Variants in PLEKHH1 observed in about 807,000 individuals in gnomAD.
PLEKHH1 encodes pleckstrin homology domain-containing family H member 1.
PLEKHH1 carries 104 observed loss-of-function variants against 160.0 expected under a neutral mutation model. That is an observed-to-expected ratio of 0.65 (90% CI 0.55 to 0.76). The LOEUF (loss-of-function observed/expected upper bound fraction) is 0.76. Among genes scored for constraint, PLEKHH1 ranks in the 30% least tolerant of loss-of-function variants. PLEKHH1 has a pLI of 0.00. For synonymous variants in PLEKHH1, 619 were observed against 678.4 expected (o/e 0.91, Z 1.36); for missense variants, 1,427 against 1,724.1 (o/e 0.83, Z 3.05).
In PLEKHH1 at chr14:67,578,633, T is replaced by C; in HGVS notation, c.2849+2T>C. 3 of 1,585,582 alleles carry C rather than the reference T, an allele frequency of 1.9e-6. No homozygotes were observed. The highest frequency in any genetic ancestry group is 1.7e-6 in the Non-Finnish European group (2 of 1,160,784). On this transcript the variant is annotated splice_donor_variant, in intron 20 of 28. Coordinates refer to ENST00000329153, the MANE Select transcript of PLEKHH1 (RefSeq NM_020715.3). LOFTEE classifies it high-confidence loss of function. The surrounding 1 kb of genome is among the most constrained non-coding windows in gnomAD (Gnocchi z 5.0). Reference sequence around the variant, plus strand: ...GCTCCAACGCCATGCAGATCCCAGGTGAGTGAACCTGGCCGTTTCCTCTGC... The same window carrying C: ...GCTCCAACGCCATGCAGATCCCAGGCGAGTGAACCTGGCCGTTTCCTCTGC...
chr14:67,536,600 T>C lies in PLEKHH1; in HGVS notation c.-35+3202T>C, dbSNP rs369534838. ...CTGTGGTGACCTCTGACCTCTTTCT[T>C]TTAGGGTCCTGTATTGATTAGCTAC... On this transcript the variant is annotated intron_variant, in intron 1 of 28. Coordinates refer to ENST00000329153, the MANE Select transcript of PLEKHH1 (RefSeq NM_020715.3). Among the ~76,000 whole-genome samples, 5 of 151,944 alleles carry C rather than the reference T, an allele frequency of 3.3e-5. No homozygotes were observed. The East Asian group carries it at 5.8e-4, about 18-fold the overall frequency.
At chr14:67,555,974 T>G in intron 3 of PLEKHH1, 87 bp downstream of exon 3, 1 of 1,518,156 alleles carries the variant, frequency 6.6e-7, no homozygotes, top group African/African-American at 1.4e-5. Flanking sequence ...GGTGGACACA[T>G]ACATCACCAG....
chr14:67,569,859 TC>T (rs2035286257), intron 8 of PLEKHH1, 61 bp from the exon 9 acceptor site: 1 of 1,068,090 alleles, frequency 9.4e-7, no homozygotes, highest in African/African-American at 1.6e-5. Flanking sequence ...GTTCTCTGCT[TC>T]CCCCACACCC....
chr14:67,560,727 C>CTTTT (rs11433194), intron 5 of PLEKHH1, among the ~76,000 whole-genome samples: 3 of 126,426 alleles, frequency 2.4e-5, no homozygotes, highest in Admixed American at 8.2e-5. Flanking sequence ...GAACATATAT[C>CTTTT]TTTTTTTTTT....
At chr14:67,541,445 A>C (rs559757131) in intron 1 of PLEKHH1, among the ~76,000 whole-genome samples, 1 of 152,248 alleles carries the variant, frequency 6.6e-6, no homozygotes, top group East Asian at 1.9e-4. Flanking sequence ...AATTTCTCTT[A>C]GTTCTGTTTG....
intron 2 of PLEKHH1, among the ~76,000 whole-genome samples, chr14:67,548,926 G>C (rs770422288): frequency 5.9e-5 from 9 of 152,048 alleles, no homozygotes; most frequent in Non-Finnish European, 1.0e-4. Flanking sequence ...TGGATAAATG[G>C]TTCTGTTTAC....
intron 7 of PLEKHH1, among the ~76,000 whole-genome samples, chr14:67,567,249 G>C (rs2035146096): frequency 2.6e-5 from 4 of 152,140 alleles, no homozygotes; most frequent in Admixed American, 6.5e-5. Flanking sequence ...AGGGCGGTGG[G>C]GGAATGAAAT....
At chr14:67,535,490 C>T (rs1162308507) in intron 1 of PLEKHH1, among the ~76,000 whole-genome samples, 3 of 149,884 alleles carry the variant, frequency 2.0e-5, no homozygotes, top group Non-Finnish European at 4.4e-5. Flanking sequence ...AAGCAGTTCA[C>T]CTGCCTTAGC....
At chr14:67,555,804 C>T in intron 2 of PLEKHH1, 21 bp from the exon 3 acceptor site, 1 of 1,612,540 alleles carries the variant, frequency 6.2e-7, no homozygotes, top group Non-Finnish European at 8.5e-7. Flanking sequence ...CTACATCTCC[C>T]CTTTCTCTCT....
At position 67,571,561 on chromosome 14, in the gene PLEKHH1, G is replaced by T. The variant is rs1039484786; in HGVS notation, c.1435-191G>T. On this transcript the variant is annotated intron_variant, in intron 9 of 28. Transcript: ENST00000329153. Reference sequence around the variant, plus strand: ...CAGAAGATGGTGTGTGGGAAGGGAGGCCTGAGAAGCATGGAGGTCATGACA... The same window carrying T: ...CAGAAGATGGTGTGTGGGAAGGGAGTCCTGAGAAGCATGGAGGTCATGACA... 1.7e-5 allele frequency: 9 copies of T among 542,794 alleles called. No individual in the cohort carries two copies. The Admixed American group carries it at 2.3e-4, about 14-fold the overall frequency. The allele number at this position is 542,794 out of a possible 1,614,324, so 33.6% of individuals were successfully genotyped here. A position where few individuals can be genotyped will look rare whatever the true frequency, so the allele number is the denominator to read the frequency against.
chr14:67,540,882 T>A (rs553876953), intron 1 of PLEKHH1, among the ~76,000 whole-genome samples: 1 of 152,296 alleles, frequency 6.6e-6, no homozygotes, highest in Admixed American at 6.5e-5. Context: ...CCTTTTCTCA[T>A]CCTGCATCCA....
rs867422493 is a variant in PLEKHH1 at position 67,562,570 on chromosome 14, A to T, written c.939A>T (p.Pro313=). 6 of 1,612,264 alleles carry T rather than the reference A, an allele frequency of 3.7e-6. No individual in the cohort carries two copies. The Middle Eastern group carries it at 9.9e-4, about 266-fold the overall frequency. The change falls in exon 7 of 29, where the codon CCA becomes CCT. Residue 313 remains proline, a synonymous_variant. Coordinates refer to ENST00000329153, the MANE Select transcript of PLEKHH1 (RefSeq NM_020715.3). ...GTCCTGGCAGCAGTCTGACCCTACCAAAGGTGCGGGCTCCTGGCACCCCGC... is the reference window on the plus strand; with the variant it reads ...GTCCTGGCAGCAGTCTGACCCTACCTAAGGTGCGGGCTCCTGGCACCCCGC... The part of the protein sequence containing the change: ...EGGPGSSLTL[P]KVRAPGTPRD...
In PLEKHH1 at chr14:67,578,316, C is replaced by T; in HGVS notation, c.2751+117C>T. 5 of 902,854 alleles carry T rather than the reference C, an allele frequency of 5.5e-6. No individual in the cohort carries two copies. The highest frequency in any genetic ancestry group is 8.7e-6 in the Non-Finnish European group (5 of 572,362). 55.9% of individuals were successfully genotyped at this position (902,854 alleles called of 1,614,324 possible). A position where few individuals can be genotyped will look rare whatever the true frequency, so the allele number is the denominator to read the frequency against. Reference sequence around the variant, plus strand: ...GGTGAGCCCAGCCAGCGGGCAGCCTCTGTGCTCCAAGCTGCATCAGTACGG... The same window carrying T: ...GGTGAGCCCAGCCAGCGGGCAGCCTTTGTGCTCCAAGCTGCATCAGTACGG... On this transcript the variant is annotated intron_variant, in intron 19 of 28. Transcript: ENST00000329153. This position sits in a 1 kb window ranked among gnomAD's most constrained non-coding sequence, Gnocchi z 5.0.
At position 67,557,376 on chromosome 14, in the gene PLEKHH1, A is replaced by T. The variant is rs1227109311; in HGVS notation, c.297A>T (p.Lys99Asn). 1 of 1,613,924 alleles carries T rather than the reference A, an allele frequency of 6.2e-7. No individual in the cohort carries two copies. The highest frequency in any genetic ancestry group is 1.7e-5 in the Admixed American group (1 of 60,032). The change falls in exon 4 of 29, where the codon AAA becomes AAT. Residue 99 changes from lysine (K) to asparagine (N), a missense_variant. By Grantham distance (94) the Lys-to-Asn change is moderately conservative (BLOSUM62 0). This residue lies in a region of PLEKHH1 where 831 missense variants were observed against 929.2 expected (regional missense o/e 0.89). Coordinates refer to ENST00000329153, the MANE Select transcript of PLEKHH1 (RefSeq NM_020715.3). ...AATTGCTGAAAGCCATAAAGGGCAA[A>T]GATGAGCTCATCAGCCAGCTAGAGG... ...YQELLKAIKG[K>N]DELISQLEAQ...
At chr14:67,535,556 A>G (rs995135541) in intron 1 of PLEKHH1, among the ~76,000 whole-genome samples, 8 of 151,394 alleles carry the variant, frequency 5.3e-5, no homozygotes, top group Non-Finnish European at 4.4e-5. Context: ...TAATTTTTGT[A>G]TTTTTAGTAG....
chr14:67,562,933 T>C, intron 7 of PLEKHH1, 39 bp downstream of exon 7: 1 of 1,584,400 alleles, frequency 6.3e-7, no homozygotes, highest in Non-Finnish European at 8.6e-7. Context: ...GGAGCAGAGC[T>C]AATGGCAAGA....
In PLEKHH1 at chr14:67,583,836, G is replaced by T; in HGVS notation, c.3522G>T (p.Arg1174Ser). 3 of 1,613,482 alleles carry T rather than the reference G, an allele frequency of 1.9e-6. No homozygotes were observed. The highest frequency in any genetic ancestry group is 2.5e-6 in the Non-Finnish European group (3 of 1,179,660). ...AQHLLQQVLD[R>S]FHPRRYRHGA... ...ATCTTCTCCAGCAGGTCCTAGACAG[G>T]TTCCACCCCAGGCGCTATAGACATG... The change falls in exon 25 of 29, where the codon AGG becomes AGT. Residue 1174 changes from arginine to serine, a missense_variant. Arg to Ser is a moderately radical substitution (Grantham distance 110). Coordinates refer to ENST00000329153, the MANE Select transcript of PLEKHH1 (RefSeq NM_020715.3).
At position 67,579,247 on chromosome 14, in the gene PLEKHH1, G is replaced by A. The variant is rs537977736; in HGVS notation, c.2963G>A (p.Arg988His). The A allele has an allele frequency of 2.9e-5, 46 of 1,605,420 alleles. 1 individual carries two copies. The African/African-American group carries it at 4.0e-4, about 14-fold the overall frequency. The change falls in exon 21 of 29, where the codon CGT becomes CAT. Residue 988 changes from arginine (R) to histidine (H), a missense_variant. Arg to His is a conservative substitution (Grantham distance 29, BLOSUM62 0). Around this residue, in one of 6 missense-constraint regions of PLEKHH1, gnomAD observed 436 missense variants for 607.5 expected, o/e 0.72. Coordinates refer to ENST00000329153, the MANE Select transcript of PLEKHH1 (RefSeq NM_020715.3). ...SRMEVVSILL[R>H]NPFHHSLPFS... is the part of the protein sequence containing the mutation. ...ATGGAAGTGGTGTCCATCCTGCTGC[G>A]TAACCCCTTCCACCACTCCTTGCCC...
intron 28 of PLEKHH1, 105 bp downstream of exon 28, chr14:67,586,202 C>T: frequency 7.4e-7 from 1 of 1,345,754 alleles, no homozygotes; most frequent in Non-Finnish European, 1.1e-6. Context: ...GGGCCCTGCC[C>T]AGATAAAATT....
Sources: gnomAD v4.1 joint callset for allele counts (sites outside exome capture counted in the v4.1 genomes callset) on GRCh38, gnomAD v4.1.1 for gene constraint, gnomAD v4.1.1 regional missense constraint, Gnocchi (gnomAD v3.1) non-coding constraint, MANE v1.5 for transcripts, NCBI Gene and HGNC (gene_info 2026-07-23, HGNC 2026-07-21) for gene names.